Variants in BRD1 observed in about 807,000 individuals in gnomAD.
The protein encoded by BRD1 is bromodomain containing 1, also known as bromodomain-containing protein 1.
A neutral mutation model predicts 107.7 loss-of-function variants in BRD1; 24 were observed. The observed-to-expected ratio is 0.22, with a 90% confidence interval of 0.16 to 0.31. The LOEUF (loss-of-function observed/expected upper bound fraction) is 0.31, where lower values mean the gene tolerates loss of function less well. Among genes scored for constraint, BRD1 ranks in the 10% least tolerant of loss-of-function variants. The pLI is 1.00. For synonymous variants in BRD1, 744 were observed against 686.1 expected (o/e 1.08, Z -1.32); for missense variants, 1,279 against 1,638.6 (o/e 0.78, Z 3.79).
At chr22:49,811,246 G>A (rs2059843398) in intron 2 of BRD1, among the ~76,000 whole-genome samples, 1 of 152,234 alleles carries the variant, frequency 6.6e-6, no homozygotes, top group Non-Finnish European at 1.5e-5. Context: ...GCTGGGGGAG[G>A]ATGAGAAGGT....
chr22:49,822,914 C>T (rs1335747814), intron 2 of BRD1, 37 bp downstream of exon 2: 2 of 1,603,024 alleles, frequency 1.2e-6, no homozygotes, highest in Non-Finnish European at 1.7e-6. Flanking sequence ...TCCCACACTG[C>T]AGGCTCCTTG....
chr22:49,809,556 T>A (rs541897480), intron 2 of BRD1, among the ~76,000 whole-genome samples: 135 of 149,942 alleles, frequency 9.0e-4, no homozygotes, highest in Admixed American at 2.5e-3. Flanking sequence ...AAAATATATA[T>A]ATATATATAT....
chr22:49,814,860 T>A (rs2059920019), intron 2 of BRD1, among the ~76,000 whole-genome samples: 1 of 152,136 alleles, frequency 6.6e-6, no homozygotes, highest in East Asian at 1.9e-4. Flanking sequence ...TAAGTAAATA[T>A]GGTGAAAGTG....
chr22:49,795,195 A>G (rs1297559921), intron 6 of BRD1, among the ~76,000 whole-genome samples: 1 of 152,244 alleles, frequency 6.6e-6, no homozygotes, highest in Non-Finnish European at 1.5e-5. Context: ...AAATGTTCAT[A>G]CAAAAAAACA....
chr22:49,811,397 G>A (rs2059846148), intron 2 of BRD1, among the ~76,000 whole-genome samples: 2 of 152,138 alleles, frequency 1.3e-5, no homozygotes, highest in Admixed American at 1.3e-4. Context: ...TAAATTTCAT[G>A]GTGTGTGAAT....
At chr22:49,799,657 T>C (rs1478377493) in intron 3 of BRD1, among the ~76,000 whole-genome samples, 1 of 152,122 alleles carries the variant, frequency 6.6e-6, no homozygotes, top group Non-Finnish European at 1.5e-5. Context: ...CCGACACACG[T>C]TTCCCCACAG....
At chr22:49,779,090 T>C (rs959421398) in intron 8 of BRD1, among the ~76,000 whole-genome samples, 1 of 152,166 alleles carries the variant, frequency 6.6e-6, no homozygotes, top group Non-Finnish European at 1.5e-5. Context: ...AGAATTTTTT[T>C]GGAAACGATG....
chr22:49,775,682 G>T lies in BRD1; in HGVS notation c.3295C>A (p.Pro1099Thr). 1 of 1,613,800 alleles carries T rather than the reference G, an allele frequency of 6.2e-7. No homozygotes were observed. The highest frequency in any genetic ancestry group is 8.5e-7 in the Non-Finnish European group (1 of 1,179,868). Residue 1099 changes from proline to threonine, a missense_variant, in exon 12 of 13, where the codon CCC becomes ACC. Pro to Thr is a conservative substitution (Grantham distance 38). Coordinates refer to ENST00000404760, the MANE Select transcript of BRD1 (RefSeq NM_001304808.3). ...TCCCCAATCTTCAGCACGTCCAGGG[G>T]TGGGGCCGGGATGGTGACGCCGTTG... ...HHNGVTIPAPPLDVLKIGEHM... is the reference protein window; with the variant it reads ...HHNGVTIPAPTLDVLKIGEHM...
intron 7 of BRD1, among the ~76,000 whole-genome samples, chr22:49,789,005 T>C (rs1243364469): frequency 1.3e-5 from 2 of 152,242 alleles, no homozygotes; most frequent in Non-Finnish European, 2.9e-5. Context: ...GTTTTGAGGC[T>C]GAAGAAAGTT....
intron 11 of BRD1, 95 bp from the exon 12 acceptor site, chr22:49,775,840 C>CCCCCCTT: frequency 1.6e-6 from 2 of 1,223,912 alleles, no homozygotes; most frequent in South Asian, 4.0e-5. Flanking sequence ...CCCACCCCAG[C>CCCCCCTT]TGTGTGAGCC....
intron 6 of BRD1, among the ~76,000 whole-genome samples, chr22:49,795,590 G>A (rs539539838): frequency 2.0e-4 from 30 of 152,354 alleles, no homozygotes; most frequent in African/African-American, 7.0e-4. Flanking sequence ...AGGGCCCTAG[G>A]GGCAAAGGAG....
At chr22:49,797,330 G>A (rs969906693) in intron 6 of BRD1, among the ~76,000 whole-genome samples, 4 of 152,196 alleles carry the variant, frequency 2.6e-5, no homozygotes, top group African/African-American at 9.7e-5. Context: ...GAGATCCTCC[G>A]GCTTCACGCC....
intron 2 of BRD1, among the ~76,000 whole-genome samples, chr22:49,811,112 G>T (rs1222955457): frequency 6.6e-6 from 1 of 152,038 alleles, no homozygotes; most frequent in African/African-American, 2.4e-5. Context: ...GATGGACCTT[G>T]GAAACATGCT....
chr22:49,811,301 G>A (rs1023405175), intron 2 of BRD1, among the ~76,000 whole-genome samples: 2 of 152,024 alleles, frequency 1.3e-5, no homozygotes, highest in African/African-American at 2.4e-5. Context: ...TTCCTTTGGA[G>A]GTGATAAAAA....
chr22:49,793,967 G>T, intron 7 of BRD1, 67 bp downstream of exon 7: 1 of 1,553,002 alleles, frequency 6.4e-7, no homozygotes, highest in Non-Finnish European at 8.7e-7. Context: ...CTGGGTCTGT[G>T]CCTGTGCCTG....
intron 12 of BRD1, among the ~76,000 whole-genome samples, chr22:49,774,716 G>T (rs961027292): frequency 1.3e-5 from 2 of 152,260 alleles, no homozygotes; most frequent in African/African-American, 4.8e-5. Flanking sequence ...ACCAAGCCCA[G>T]AGTCAGGGTG....
Position 49,803,254 on chromosome 22 carries a change from GA to G in BRD1, c.1524+949del, listed in dbSNP as rs2147193137. Among the ~76,000 whole-genome samples the G allele has an allele frequency of 6.6e-6, 1 of 151,392 alleles. No individual in the cohort carries two copies. Among genetic ancestry groups the G allele is most frequent in the African/African-American group, 2.5e-5 (1 of 40,672 alleles). On this transcript the variant is annotated intron_variant, in intron 3 of 12. Coordinates refer to ENST00000404760, the MANE Select transcript of BRD1 (RefSeq NM_001304808.3). The surrounding 1 kb of genome is among the most constrained non-coding windows in gnomAD (Gnocchi z 4.4). ...ACCGGCCACCGCACCACCGCACGGG[GA>G]CCCAACCGTGAACCCTGTAGACTCA...
chr22:49,803,830 G>A lies in BRD1; in HGVS notation c.1524+374C>T, dbSNP rs975251923. On this transcript the variant is annotated intron_variant, in intron 3 of 12. Transcript: ENST00000404760. The surrounding 1 kb of genome is among the most constrained non-coding windows in gnomAD (Gnocchi z 4.4). Reference sequence around the variant, plus strand: ...CCCACATGGCCCGGGTGTGCTCACCGGGTCCCACTCCTGCTGTCCCCAGCC... The same window carrying A: ...CCCACATGGCCCGGGTGTGCTCACCAGGTCCCACTCCTGCTGTCCCCAGCC... 2.0e-5 allele frequency among the ~76,000 whole-genome samples: 3 copies of A among 152,070 alleles called. No homozygotes were observed. The highest frequency in any genetic ancestry group is 4.4e-5 in the Non-Finnish European group (3 of 68,004).
Position 49,794,205 on chromosome 22 carries a change from C to T in BRD1, c.2188G>A (p.Ala730Thr), listed in dbSNP as rs35331092. Residue 730 changes from alanine to threonine, a missense_variant, in exon 7 of 13, where the codon GCT (alanine) becomes ACT (threonine). Ala to Thr is a moderately conservative substitution (Grantham distance 58). Around this residue, in one of 7 missense-constraint regions of BRD1, gnomAD observed 406 missense variants for 519.4 expected, o/e 0.78. Coordinates refer to ENST00000404760, the MANE Select transcript of BRD1 (RefSeq NM_001304808.3). ...CTCCGGGAGCCGCTGGACTTCATAG[C>T]GCAGGTGAGGTCGAGCATGTCCAGC... ...ELLDMLDLTC[A>T]MKSSGSRSKR... 0.065 allele frequency: 105,249 copies of T among 1,614,130 alleles called. 4,166 individuals are homozygous for T. Among genetic ancestry groups the T allele is most frequent in the South Asian group, 0.15 (13,208 of 91,082 alleles).
Sources: gnomAD v4.1 joint callset for allele counts (sites outside exome capture counted in the v4.1 genomes callset) on GRCh38, gnomAD v4.1.1 for gene constraint, gnomAD v4.1.1 regional missense constraint, Gnocchi (gnomAD v3.1) non-coding constraint, MANE v1.5 for transcripts, NCBI Gene and HGNC (gene_info 2026-07-23, HGNC 2026-07-21) for gene names.